The following NCR1 variants were observed in gnomAD, a reference collection of about 807,000 sequenced individuals.
NCR1 encodes natural cytotoxicity triggering receptor 1.
Under a neutral mutation model 32.5 loss-of-function variants are expected in NCR1, and 30 were observed. That is an observed-to-expected ratio of 0.92 (90% CI 0.69 to 1.25). The LOEUF is 1.25. NCR1 is among the 50% of genes most tolerant of loss of function. The probability of loss-of-function intolerance (pLI) is 0.00; values close to 1 mark genes in which losing one functional copy is unlikely to be tolerated. For missense variants in NCR1, 369 were observed against 380.7 expected (o/e 0.97, Z 0.26); for synonymous variants, 169 against 143.4 (o/e 1.18, Z -1.28).
upstream of NCR1, among the ~76,000 whole-genome samples, chr19:54,903,480 G>A (rs587714252): frequency 7.0e-6 from 1 of 143,772 alleles, no homozygotes; most frequent in Non-Finnish European, 1.5e-5. Context: ...ACGGATACAT[G>A]TATGTATATA....
the NCR1 span, among the ~76,000 whole-genome samples, chr19:54,924,958 G>C: frequency 6.6e-6 from 1 of 152,164 alleles, no homozygotes; most frequent in African/African-American, 2.4e-5. Context: ...ATAAAAAATA[G>C]TGGCAAATCA....
the NCR1 span, among the ~76,000 whole-genome samples, chr19:54,921,772 CAAAAAAAAAAAA>C: frequency 1.1e-5 from 1 of 93,964 alleles, no homozygotes; most frequent in Non-Finnish European, 2.1e-5. Flanking sequence ...GACTCCATCT[CAAAAAAAAAAAA>C]AAAAAAAAAA....
downstream of NCR1, among the ~76,000 whole-genome samples, chr19:54,914,891 C>G (rs1036684147): frequency 6.6e-6 from 1 of 152,074 alleles, no homozygotes; most frequent in Admixed American, 6.6e-5. Flanking sequence ...AGGCGCGCGC[C>G]ACCACACCCG....
chr19:54,904,760 G>A (rs587774221), upstream of NCR1, among the ~76,000 whole-genome samples: 31 of 152,116 alleles, frequency 2.0e-4, no homozygotes, highest in African/African-American at 7.0e-4. Context: ...TCGAACTCCC[G>A]ACCTAAGGTG....
At chr19:54,901,577 G>T (rs1438559797), upstream of NCR1, among the ~76,000 whole-genome samples, 4 of 151,936 alleles carry the variant, frequency 2.6e-5, no homozygotes, top group Non-Finnish European at 5.9e-5. Flanking sequence ...GCCGAGGCAG[G>T]TGGGAGGCTG....
chr19:54,899,495 A>G, the NCR1 span, among the ~76,000 whole-genome samples: 1 of 151,930 alleles, frequency 6.6e-6, no homozygotes, highest in Non-Finnish European at 1.5e-5. Flanking sequence ...CAGGGCACAG[A>G]AGTAAGGGAT....
rs747023317 is a variant in NCR1, at chr19:54,906,758, T to G, written c.306T>G (p.Val102=). ...GGCAATACAGCTGCATCTATCGGGT[T>G]GGGGAGCTCTGGTCAGAGCCCAGCA... ...MAGQYSCIYR[V]GELWSEPSNL... The change falls in exon 3 of 7, where the codon GTT becomes GTG. Residue 102 remains valine, a synonymous_variant. Transcript: ENST00000291890. 1 of 1,614,160 alleles carries G rather than the reference T, an allele frequency of 6.2e-7. No individual in the cohort carries two copies. Among genetic ancestry groups the G allele is most frequent in the Non-Finnish European group, 8.5e-7 (1 of 1,180,020 alleles).
the NCR1 span, among the ~76,000 whole-genome samples, chr19:54,936,047 G>A: frequency 7.2e-5 from 11 of 152,152 alleles, no homozygotes; most frequent in South Asian, 2.1e-4. Context: ...CACAGAATTC[G>A]GGGTGTTTCT....
At chr19:54,908,871 G>A (rs986530992) in intron 3 of NCR1, among the ~76,000 whole-genome samples, 3 of 151,868 alleles carry the variant, frequency 2.0e-5, no homozygotes, top group African/African-American at 4.8e-5. Flanking sequence ...CCAGGAGGTC[G>A]AGGCTTCAGT....
chr19:54,909,110 C>A (rs2067802522), intron 3 of NCR1, 135 bp from the exon 4 acceptor site: 1 of 787,784 alleles, frequency 1.3e-6, no homozygotes, highest in Non-Finnish European at 1.9e-6. Context: ...GCGGAGGTTG[C>A]AGTGAGCCAA....
chr19:54,921,764 C>T, the NCR1 span, among the ~76,000 whole-genome samples: 1 of 103,816 alleles, frequency 9.6e-6, no homozygotes, highest in Non-Finnish European at 1.8e-5. Context: ...AGAGGCAAGA[C>T]TCCATCTCAA....
Position 54,912,859 on chromosome 19 carries a change from A to G in NCR1, c.903A>G (p.Thr301=). 6.2e-7 allele frequency: 1 copy of G among 1,613,456 alleles called. No individual in the cohort carries two copies. The highest frequency in any genetic ancestry group is 8.5e-7 in the Non-Finnish European group (1 of 1,179,894). ...STWEGRRRLN[T]QTL is the part of the protein sequence containing the mutation. ...GGGAAGGCAGGAGAAGGCTGAACAC[A>G]CAGACTCTTTGAAGAATGACCATGA... Residue 301 remains threonine, a synonymous_variant, in exon 7 of 7, where the codon ACA becomes ACG. Transcript: ENST00000291890.
chr19:54,903,205 T>C (rs1446385632), upstream of NCR1, among the ~76,000 whole-genome samples: 1 of 151,778 alleles, frequency 6.6e-6, no homozygotes, highest in African/African-American at 2.4e-5. Context: ...TAGTCACATG[T>C]ATCCACCAGG....
downstream of NCR1, among the ~76,000 whole-genome samples, chr19:54,919,189 CGA>C (rs1236923575): frequency 1.1e-4 from 16 of 151,830 alleles, no homozygotes; most frequent in Non-Finnish European, 1.5e-4. Context: ...TGTGCGGCGA[CGA>C]GAGAGTGTAG....
At chr19:54,926,827 A>G in the NCR1 span, among the ~76,000 whole-genome samples, 59 of 151,722 alleles carry the variant, frequency 3.9e-4, no homozygotes, top group African/African-American at 1.4e-3. Context: ...GAGGCAGGAG[A>G]ATCACTTGAA....
At chr19:54,920,565 G>A (rs992774318), downstream of NCR1, among the ~76,000 whole-genome samples, 3 of 152,100 alleles carry the variant, frequency 2.0e-5, no homozygotes, top group African/African-American at 2.4e-5. Context: ...GGCAGCTCAC[G>A]CGTGTAATCC....
intron 5 of NCR1, among the ~76,000 whole-genome samples, chr19:54,911,040 C>T (rs1254091710): frequency 1.3e-5 from 2 of 151,882 alleles, no homozygotes; most frequent in African/African-American, 2.4e-5. Flanking sequence ...GGGCCTGGGG[C>T]GCACGGCTAG....
chr19:54,912,615 A>C, intron 6 of NCR1, 75 bp from the exon 7 acceptor site: 1 of 406,918 alleles, frequency 2.5e-6, no homozygotes, highest in South Asian at 5.5e-5. Context: ...AAAAAAAAAA[A>C]AAAAAAAAAA....
chr19:54,909,495 C>T lies in NCR1; in HGVS notation c.606C>T (p.Pro202=), dbSNP rs1200814954. 1 of 1,607,002 alleles carries T rather than the reference C, an allele frequency of 6.2e-7. No individual in the cohort carries two copies. Among genetic ancestry groups the T allele is most frequent in the South Asian group, 1.1e-5 (1 of 91,068 alleles). ...ATAACAACCATGCCTGGTCTTTCCC[C>T]AGTGAGCCAGTGAAGCTCCTGGTCA... ...GSYNNHAWSF[P]SEPVKLLVTG... Residue 202 remains proline (P), a synonymous_variant, in exon 4 of 7, where the codon CCC becomes CCT. Transcript: ENST00000291890.
Sources: allele counts gnomAD v4.1 joint callset (sites outside exome capture counted in the v4.1 genomes callset), GRCh38; gene constraint gnomAD v4.1.1; transcripts MANE v1.5; gene names NCBI Gene and HGNC (gene_info 2026-07-23, HGNC 2026-07-21).